Variants in EXOC6B observed in about 807,000 individuals in gnomAD.
EXOC6B encodes the protein exocyst complex component 6B, also known as SEC15 homolog B.
A neutral mutation model predicts 113.5 loss-of-function variants in EXOC6B; 54 were observed. That is an observed-to-expected ratio of 0.48 (90% CI 0.38 to 0.60). The LOEUF is 0.60. EXOC6B is among the 20% of genes least tolerant of loss of function. The pLI is 0.00. For missense variants in EXOC6B, 797 were observed against 977.5 expected, an observed-to-expected ratio of 0.82 and a Z score of 2.46; for synonymous variants, 357 against 339.0, an observed-to-expected ratio of 1.05 and a Z score of -0.58.
intron 8 of EXOC6B, among the ~76,000 whole-genome samples, chr2:72,525,105 C>G (rs570987130): frequency 2.7e-4 from 41 of 152,264 alleles, no homozygotes; most frequent in African/African-American, 9.4e-4. Flanking sequence ...CCGACAGAGT[C>G]TGCAGAATTT....
Position 72,601,823 on chromosome 2 carries a change from T to G in EXOC6B, c.670-26155A>C, listed in dbSNP as rs983999520. 2.6e-5 allele frequency among the ~76,000 whole-genome samples: 4 copies of G among 152,264 alleles called. No homozygotes were observed. The East Asian group carries it at 7.7e-4, about 29-fold the overall frequency. On this transcript the variant is annotated intron_variant, in intron 6 of 21. Transcript: ENST00000272427. ...AATAAACTGTGGTATATTCATACAATGGAATATTATTTGGAAATAAAATGA... is the reference window on the plus strand; with the variant it reads ...AATAAACTGTGGTATATTCATACAAGGGAATATTATTTGGAAATAAAATGA...
intron 20 of EXOC6B, among the ~76,000 whole-genome samples, chr2:72,216,499 C>T (rs1021851730): frequency 4.6e-5 from 7 of 152,166 alleles, no homozygotes; most frequent in African/African-American, 1.2e-4. Flanking sequence ...TGTGACCATT[C>T]GTTAAGGATC....
intron 1 of EXOC6B, among the ~76,000 whole-genome samples, chr2:72,796,516 C>A (rs577510142): frequency 3.3e-5 from 5 of 151,834 alleles, no homozygotes; most frequent in Non-Finnish European, 5.9e-5. Context: ...TCTTTTCCCC[C>A]ACTAGACAAT....
At chr2:72,213,738 T>C (rs1352936188) in intron 20 of EXOC6B, among the ~76,000 whole-genome samples, 1 of 152,098 alleles carries the variant, frequency 6.6e-6, no homozygotes, top group Non-Finnish European at 1.5e-5. Flanking sequence ...AGAACCCTCA[T>C]CAATGGAATT....
intron 6 of EXOC6B, among the ~76,000 whole-genome samples, chr2:72,705,315 T>C (rs1174491964): frequency 6.6e-6 from 1 of 152,120 alleles, no homozygotes; most frequent in Non-Finnish European, 1.5e-5. Flanking sequence ...TAGGTATTGA[T>C]GGGACGTATT....
At chr2:72,522,656 T>G (rs1701554047) in intron 8 of EXOC6B, among the ~76,000 whole-genome samples, 1 of 152,238 alleles carries the variant, frequency 6.6e-6, no homozygotes, top group Admixed American at 6.5e-5. Context: ...CCCAACTCTA[T>G]TTTAAGCAAG....
chr2:72,428,996 G>T (rs569846532), intron 18 of EXOC6B, among the ~76,000 whole-genome samples: 12 of 152,152 alleles, frequency 7.9e-5, no homozygotes, highest in Non-Finnish European at 1.5e-4. Context: ...TTTTTAATTT[G>T]TGATAATATT....
At chr2:72,441,078 A>T (rs1399971572) in intron 18 of EXOC6B, among the ~76,000 whole-genome samples, 2 of 152,138 alleles carry the variant, frequency 1.3e-5, no homozygotes, top group Non-Finnish European at 2.9e-5. Flanking sequence ...CGGTCTTTCC[A>T]TATTTAGTGC....
At chr2:72,435,607 T>A (rs1373681344) in intron 18 of EXOC6B, among the ~76,000 whole-genome samples, 1 of 152,220 alleles carries the variant, frequency 6.6e-6, no homozygotes, top group Non-Finnish European at 1.5e-5. Flanking sequence ...GGTGAATATA[T>A]ATTTAGGATA....
At chr2:72,695,714 T>C (rs1057352083) in intron 6 of EXOC6B, among the ~76,000 whole-genome samples, 1 of 152,142 alleles carries the variant, frequency 6.6e-6, no homozygotes, top group African/African-American at 2.4e-5. Context: ...TTCTAAAATA[T>C]ATGAATATTG....
At chr2:72,627,923 A>G (rs894289692) in intron 6 of EXOC6B, among the ~76,000 whole-genome samples, 27 of 152,062 alleles carry the variant, frequency 1.8e-4, no homozygotes, top group African/African-American at 6.5e-4. Context: ...TTTGTGATGT[A>G]TGAATTTTTG....
chr2:72,424,528 A>C (rs1218978452), intron 18 of EXOC6B, among the ~76,000 whole-genome samples: 4 of 152,182 alleles, frequency 2.6e-5, no homozygotes, highest in Non-Finnish European at 5.9e-5. Flanking sequence ...TCTTAAATAC[A>C]TTAAGTTGAT....
At chr2:72,322,557 T>C (rs1687897144) in intron 20 of EXOC6B, among the ~76,000 whole-genome samples, 1 of 152,144 alleles carries the variant, frequency 6.6e-6, no homozygotes, top group Non-Finnish European at 1.5e-5. Context: ...TATTAGATTA[T>C]ACCTGAATAA....
chr2:72,388,571 T>A (rs1392700573), intron 18 of EXOC6B, among the ~76,000 whole-genome samples: 1 of 152,162 alleles, frequency 6.6e-6, no homozygotes, highest in Non-Finnish European at 1.5e-5. Context: ...AGTTGTATGA[T>A]AATTGTTGTT....
chr2:72,706,177 CAGAT>C lies in EXOC6B; in HGVS notation c.669+11922_669+11925del, dbSNP rs1157459696. The stretch of plus-strand genomic sequence containing the variant: ...ATTCTTTGCAAAGCACTAAACAAGA[CAGAT>C]AGATACACATGATATTCACAAGAAG... On this transcript the variant is annotated intron_variant, in intron 6 of 21. Transcript: ENST00000272427. 9.9e-5 allele frequency among the ~76,000 whole-genome samples: 15 copies of C among 152,236 alleles called. 1 individual carries two copies. The South Asian group carries it at 2.9e-3, about 29-fold the overall frequency.
intron 18 of EXOC6B, among the ~76,000 whole-genome samples, chr2:72,445,310 T>C (rs1696501686): frequency 6.6e-6 from 1 of 152,182 alleles, no homozygotes; most frequent in Non-Finnish European, 1.5e-5. Context: ...TCAAAGCCAT[T>C]CAACAAGTCT....
chr2:72,771,072 G>C (rs549355194), intron 1 of EXOC6B, among the ~76,000 whole-genome samples: 1 of 152,234 alleles, frequency 6.6e-6, no homozygotes, highest in Non-Finnish European at 1.5e-5. Context: ...GGGGGCAGCA[G>C]AGCATAAAGA....
chr2:72,804,266 T>C (rs1012383818), intron 1 of EXOC6B, among the ~76,000 whole-genome samples: 16 of 152,182 alleles, frequency 1.1e-4, no homozygotes, highest in Non-Finnish European at 1.8e-4. Context: ...TTAATTTTTA[T>C]TTACTTGTTT....
chr2:72,335,051 C>T (rs1448794581), intron 19 of EXOC6B, 31 bp from the exon 20 acceptor site: 1 of 1,595,176 alleles, frequency 6.3e-7, no homozygotes, highest in Admixed American at 1.7e-5. Context: ...TAAAAAGCGC[C>T]TTTAACTAAC....
Sources: gnomAD v4.1 joint callset for allele counts (sites outside exome capture counted in the v4.1 genomes callset) on GRCh38, gnomAD v4.1.1 for gene constraint, MANE v1.5 for transcripts, NCBI Gene and HGNC (gene_info 2026-07-23, HGNC 2026-07-21) for gene names.